TNPO3: variants seen among roughly 807,000 people sequenced by gnomAD.
TNPO3 encodes transportin 3.
Under a neutral mutation model 122.8 loss-of-function variants are expected in TNPO3, and 65 were observed. The observed-to-expected ratio is 0.53, with a 90% CI of 0.43 to 0.65. TNPO3 has a LOEUF of 0.65. TNPO3 is among the 30% of genes least tolerant of loss of function. TNPO3 has a pLI of 0.00. For missense variants in TNPO3, 850 were observed against 1,136.7 expected, an observed-to-expected ratio of 0.75 and a Z score of 3.63; for synonymous variants, 372 against 411.2, an observed-to-expected ratio of 0.90 and a Z score of 1.15.
chr7:129,000,691 T>C (rs1368171434), intron 6 of TNPO3, 124 bp from the exon 7 acceptor site: 8 of 968,120 alleles, frequency 8.3e-6, no homozygotes, highest in Non-Finnish European at 1.2e-5. Flanking sequence ...GATTATTTAC[T>C]ATGCTGTATC....
chr7:128,992,664 G>GT (rs1035109703), intron 9 of TNPO3, among the ~76,000 whole-genome samples: 28 of 152,108 alleles, frequency 1.8e-4, no homozygotes, highest in African/African-American at 6.8e-4. Flanking sequence ...CCTACAGAAT[G>GT]TGACTAAATA....
intron 7 of TNPO3, among the ~76,000 whole-genome samples, chr7:128,998,171 C>G (rs1356491450): frequency 6.6e-6 from 1 of 151,938 alleles, no homozygotes; most frequent in Non-Finnish European, 1.5e-5. Context: ...CAAATTTCAG[C>G]CAGGCGCGAA....
In TNPO3 at chr7:128,982,435, A is replaced by G. The variant is rs1799722959; in HGVS notation, c.1783-111T>C. 4.6e-6 allele frequency: 4 copies of G among 866,350 alleles called. No individual in the cohort carries two copies. In the South Asian group the frequency reaches 6.8e-5, roughly 15 times the overall value. 53.7% of individuals were successfully genotyped at this position (866,350 alleles called of 1,614,324 possible). A position where few individuals can be genotyped will look rare whatever the true frequency, so the allele number is the denominator to read the frequency against. On this transcript the variant is annotated intron_variant, in intron 13 of 22. Coordinates refer to ENST00000265388, the MANE Select transcript of TNPO3 (RefSeq NM_012470.4). Reference sequence around the variant, plus strand: ...AATCTCTGCTTATTTCCTTATATAAAGTCCTAAAAGTATATAAACTCCTAA... The same window carrying G: ...AATCTCTGCTTATTTCCTTATATAAGGTCCTAAAAGTATATAAACTCCTAA...
rs781028456 is a variant in TNPO3, at chr7:128,970,344, T to C, written c.2431-29A>G. 3.8e-5 allele frequency: 59 copies of C among 1,541,008 alleles called. 1 individual carries two copies. The highest frequency in any genetic ancestry group is 1.8e-4 in the Middle Eastern group (1 of 5,712). Reference sequence around the variant, plus strand: ...TATGTAGGAAAGCAGGAACATCAGATAAATTCTAGTCTCAACTTCCCAAAG... The same window carrying C: ...TATGTAGGAAAGCAGGAACATCAGACAAATTCTAGTCTCAACTTCCCAAAG... On this transcript the variant is annotated intron_variant, in intron 19 of 22. Transcript: ENST00000265388.
At chr7:129,017,866 T>C in intron 2 of TNPO3, 91 bp downstream of exon 2, 1 of 1,295,696 alleles carries the variant, frequency 7.7e-7, no homozygotes, top group Non-Finnish European at 1.1e-6. Context: ...AAGTTAACAT[T>C]ACCTCACATG....
chr7:129,039,275 T>C (rs776287215), intron 1 of TNPO3, among the ~76,000 whole-genome samples: 1 of 152,084 alleles, frequency 6.6e-6, no homozygotes, highest in Non-Finnish European at 1.5e-5. Flanking sequence ...AAATAGAGCG[T>C]TATCACCCAG....
rs1803672403 is a variant in TNPO3, at chr7:129,015,008, A to C, written c.523T>G (p.Phe175Val). The C allele has an allele frequency of 3.1e-6, 5 of 1,610,726 alleles. No homozygotes were observed. The highest frequency in any genetic ancestry group is 4.2e-6 in the Non-Finnish European group (5 of 1,179,476). ...AGAGATACTACTGTACTAGAGTAGA[A>C]GGCCAAATCTTCTATAATTTCTGTG... ...RRTEIIEDLA[F>V]YSSTVVSLLM... The change falls in exon 4 of 23, where the codon TTC (phenylalanine) becomes GTC (valine). Residue 175 changes from phenylalanine (F) to valine (V), a missense_variant. Physicochemically the swap from Phe to Val is conservative, Grantham distance 50. Coordinates refer to ENST00000265388, the MANE Select transcript of TNPO3 (RefSeq NM_012470.4).
intron 1 of TNPO3, among the ~76,000 whole-genome samples, chr7:129,025,350 C>CAAAAAAAAAAA (rs71162548): frequency 4.8e-5 from 1 of 20,718 alleles, no homozygotes; most frequent in Non-Finnish European, 8.4e-5. Context: ...AACTCTGTCA[C>CAAAAAAAAAAA]AAAAAAAAAA....
chr7:128,964,493 G>A (rs751060258), intron 21 of TNPO3, among the ~76,000 whole-genome samples: 5 of 152,006 alleles, frequency 3.3e-5, no homozygotes, highest in South Asian at 2.1e-4. Context: ...CCACCACCAC[G>A]CCCGGCTAAT....
At chr7:128,980,445 T>G (rs972279264) in intron 14 of TNPO3, among the ~76,000 whole-genome samples, 1 of 152,158 alleles carries the variant, frequency 6.6e-6, no homozygotes, top group East Asian at 1.9e-4. Flanking sequence ...CCGTCTCTAC[T>G]AAAAATACAA....
intron 7 of TNPO3, among the ~76,000 whole-genome samples, chr7:128,998,731 C>T (rs1246572150): frequency 1.3e-5 from 2 of 151,738 alleles, no homozygotes; most frequent in Non-Finnish European, 2.9e-5. Flanking sequence ...GCTTTGTTGC[C>T]CAGGCTGGTC....
At chr7:129,031,451 A>T (rs1805942075) in intron 1 of TNPO3, among the ~76,000 whole-genome samples, 1 of 152,226 alleles carries the variant, frequency 6.6e-6, no homozygotes, top group African/African-American at 2.4e-5. Flanking sequence ...AACTTACATG[A>T]AATAAACAAA....
chr7:129,055,602 C>G (rs983508256), upstream of TNPO3: 21 of 161,384 alleles, frequency 1.3e-4, no homozygotes, highest in African/African-American at 5.1e-4. Context: ...CTTTGTTCAG[C>G]TCCCCTTTAC....
chr7:128,975,013 G>T, intron 17 of TNPO3, 51 bp from the exon 18 acceptor site: 1 of 1,421,496 alleles, frequency 7.0e-7, no homozygotes. Flanking sequence ...AAATGCCACA[G>T]CATTCAGACT....
At chr7:129,017,189 CCCAA>C in intron 2 of TNPO3, 133 bp from the exon 3 acceptor site, 1 of 797,726 alleles carries the variant, frequency 1.3e-6, no homozygotes, top group South Asian at 1.7e-5. Context: ...CCCCATTTCT[CCCAA>C]CCTCCAATTC....
chr7:128,996,700 G>A (rs141125643), intron 8 of TNPO3, among the ~76,000 whole-genome samples: 38 of 127,008 alleles, frequency 3.0e-4, no homozygotes, highest in African/African-American at 1.1e-3. Context: ...CAGAGATCAC[G>A]CCACTGCACT....
At chr7:128,969,068 T>C (rs207468599) in intron 20 of TNPO3, among the ~76,000 whole-genome samples, 19 of 152,318 alleles carry the variant, frequency 1.2e-4, no homozygotes, top group African/African-American at 4.6e-4. Flanking sequence ...ACCTGGTTTC[T>C]ATTCCTGTCC....
At chr7:128,971,641 C>A (rs7802347) in intron 19 of TNPO3, among the ~76,000 whole-genome samples, 1,561 of 152,304 alleles carry the variant, frequency 0.01, 20 homozygotes, top group African/African-American at 0.035. Flanking sequence ...TCTAATCAAA[C>A]CTACCTTCGA....
intron 4 of TNPO3, among the ~76,000 whole-genome samples, chr7:129,013,878 A>G (rs757585045): frequency 9.9e-5 from 15 of 152,166 alleles, no homozygotes; most frequent in African/African-American, 1.4e-4. Context: ...CAGAAAGACA[A>G]ATATCACATG....
Sources: gnomAD v4.1 joint callset for allele counts (sites outside exome capture counted in the v4.1 genomes callset) on GRCh38, gnomAD v4.1.1 for gene constraint, MANE v1.5 for transcripts, NCBI Gene and HGNC (gene_info 2026-07-23, HGNC 2026-07-21) for gene names.